CHST11: variants seen among roughly 807,000 people sequenced by gnomAD.
CHST11 encodes the protein carbohydrate sulfotransferase 11, also known as C4S-1.
Under a neutral mutation model 30.4 loss-of-function variants are expected in CHST11, and 9 were observed. The observed-to-expected ratio is 0.30, with a 90% CI of 0.18 to 0.52. The LOEUF is 0.52. Among genes scored for constraint, CHST11 ranks in the 20% least tolerant of loss-of-function variants. The pLI is 0.97. For missense variants in CHST11, 348 were observed against 460.6 expected, an observed-to-expected ratio of 0.76 and a Z score of 2.24; for synonymous variants, 152 against 187.8, an observed-to-expected ratio of 0.81 and a Z score of 1.56.
chr12:104,464,447 C>T (rs1261199866), intron 1 of CHST11, among the ~76,000 whole-genome samples: 1 of 152,112 alleles, frequency 6.6e-6, no homozygotes. Flanking sequence ...CATCTCCCCT[C>T]TACCACCTGC....
intron 2 of CHST11, among the ~76,000 whole-genome samples, chr12:104,707,377 T>TA (rs953832197): frequency 4.6e-5 from 7 of 152,246 alleles, no homozygotes. Flanking sequence ...GACTCATAGT[T>TA]ACTGGCATTT....
At chr12:104,560,396 G>T (rs746222868) in intron 1 of CHST11, among the ~76,000 whole-genome samples, 49 of 152,174 alleles carry the variant, frequency 3.2e-4, no homozygotes, top group Admixed American at 1.3e-4. Flanking sequence ...GGAGTGGGAA[G>T]GTTTGGTTGA....
At chr12:104,596,499 C>T (rs751341040) in intron 1 of CHST11, among the ~76,000 whole-genome samples, 3 of 152,156 alleles carry the variant, frequency 2.0e-5, no homozygotes, top group East Asian at 1.9e-4. Context: ...AGGGTAAAAG[C>T]GTCTTTTACT....
At chr12:104,657,786 T>A (rs1017227546) in intron 2 of CHST11, among the ~76,000 whole-genome samples, 1 of 152,214 alleles carries the variant, frequency 6.6e-6, no homozygotes, top group Non-Finnish European at 1.5e-5. Context: ...ACTTGCATTC[T>A]TGAGGGTCCC....
intron 2 of CHST11, among the ~76,000 whole-genome samples, chr12:104,666,560 C>T (rs941475069): frequency 6.6e-6 from 1 of 152,018 alleles, no homozygotes; most frequent in Non-Finnish European, 1.5e-5. Flanking sequence ...CTAGAGGGTG[C>T]GATGATGGAA....
At chr12:104,506,310 G>T (rs567275202) in intron 1 of CHST11, among the ~76,000 whole-genome samples, 3 of 152,156 alleles carry the variant, frequency 2.0e-5, no homozygotes, top group Admixed American at 1.3e-4. Flanking sequence ...ACATTGCCAC[G>T]TATTAGCCGT....
At chr12:104,668,085 C>A (rs1411301524) in intron 2 of CHST11, among the ~76,000 whole-genome samples, 1 of 100,220 alleles carries the variant, frequency 1.0e-5, no homozygotes, top group Non-Finnish European at 2.0e-5. Context: ...CCCTGGCTTA[C>A]CCCCACACCA....
chr12:104,618,746 C>T (rs1466207789), intron 2 of CHST11, among the ~76,000 whole-genome samples: 1 of 152,152 alleles, frequency 6.6e-6, no homozygotes, highest in Non-Finnish European at 1.5e-5. Context: ...AGATGAGGCA[C>T]CTGAGGCATA....
chr12:104,678,551 A>G (rs764218595), intron 2 of CHST11, among the ~76,000 whole-genome samples: 4 of 152,252 alleles, frequency 2.6e-5, no homozygotes, highest in Non-Finnish European at 4.4e-5. Flanking sequence ...GCATAGTTTA[A>G]TAAATGAAAA....
intron 1 of CHST11, among the ~76,000 whole-genome samples, chr12:104,576,483 ACCAT>A (rs1487056851): frequency 6.6e-6 from 1 of 152,162 alleles, no homozygotes; most frequent in Non-Finnish European, 1.5e-5. Context: ...AGGTGGCAGA[ACCAT>A]ATATATGAGC....
At chr12:104,646,648 G>A (rs987300337) in intron 2 of CHST11, among the ~76,000 whole-genome samples, 1 of 151,980 alleles carries the variant, frequency 6.6e-6, no homozygotes, top group African/African-American at 2.4e-5. Context: ...GCAGTGAGCC[G>A]AGATTGCGCC....
Position 104,590,849 on chromosome 12 carries a change from G to C in CHST11, c.119-11057G>C, listed in dbSNP as rs2038850461. 2.0e-5 allele frequency among the ~76,000 whole-genome samples: 3 copies of C among 151,376 alleles called. No individual in the cohort carries two copies. In the South Asian group the frequency reaches 6.2e-4, roughly 31 times the overall value. ...AGGCACAAGAATTGCTCGAACATGG[G>C]AGGTGGGGGTTGCAGTGAGCCAATA... On this transcript the variant is annotated intron_variant, in intron 1 of 2. Coordinates refer to ENST00000303694, the MANE Select transcript of CHST11 (RefSeq NM_018413.6).
At chr12:104,616,227 C>G (rs886546979) in intron 2 of CHST11, among the ~76,000 whole-genome samples, 2 of 152,170 alleles carry the variant, frequency 1.3e-5, no homozygotes, top group African/African-American at 4.8e-5. Context: ...TCTTTTAGTG[C>G]AGGGGTTCAC....
At chr12:104,609,814 C>T (rs539138119) in intron 2 of CHST11, among the ~76,000 whole-genome samples, 2 of 152,264 alleles carry the variant, frequency 1.3e-5, no homozygotes, top group African/African-American at 4.8e-5. Context: ...TGGGCATTTT[C>T]TTAGGGGTCT....
chr12:104,479,178 C>CT (rs994766652), intron 1 of CHST11, among the ~76,000 whole-genome samples: 49 of 151,038 alleles, frequency 3.2e-4, no homozygotes, highest in African/African-American at 5.1e-4. Flanking sequence ...AGGGCCCCCC[C>CT]TTTTTTTTGG....
At chr12:104,602,066 TG>T in intron 2 of CHST11, 75 bp downstream of exon 2, 1 of 1,116,714 alleles carries the variant, frequency 9.0e-7, no homozygotes, top group South Asian at 1.3e-5. Flanking sequence ...TCTAAAATTG[TG>T]GTCTTTGGGG....
intron 2 of CHST11, among the ~76,000 whole-genome samples, chr12:104,670,299 C>T (rs1056096551): frequency 1.3e-5 from 2 of 152,204 alleles, no homozygotes; most frequent in African/African-American, 4.8e-5. Flanking sequence ...GGCTTCCCCA[C>T]CACTCTGAAT....
intron 1 of CHST11, among the ~76,000 whole-genome samples, chr12:104,575,137 G>C (rs1444275151): frequency 6.6e-6 from 1 of 151,872 alleles, no homozygotes; most frequent in Admixed American, 6.6e-5. Flanking sequence ...AGGTTGCAGT[G>C]AGCCGAGACT....
chr12:104,542,337 A>C (rs1044125355), intron 1 of CHST11, among the ~76,000 whole-genome samples: 9 of 152,254 alleles, frequency 5.9e-5, no homozygotes, highest in Admixed American at 5.2e-4. Flanking sequence ...ACAATAGCCA[A>C]AAGGTGAAAA....
Sources: gnomAD v4.1 joint callset for allele counts (sites outside exome capture counted in the v4.1 genomes callset) on GRCh38, gnomAD v4.1.1 for gene constraint, MANE v1.5 for transcripts, NCBI Gene and HGNC (gene_info 2026-07-23, HGNC 2026-07-21) for gene names.